TGIF1: variants seen among roughly 807,000 people sequenced by gnomAD.
TGIF1 encodes the protein homeobox protein TGIF1.
TGIF1 carries 4 observed loss-of-function variants against 19.3 expected under a neutral mutation model. The ratio of observed to expected loss-of-function variants is 0.21; its 90% confidence interval spans 0.10 to 0.47. TGIF1 has a LOEUF of 0.47. Among genes scored for constraint, TGIF1 ranks in the 20% least tolerant of loss-of-function variants. The pLI, the probability that TGIF1 is intolerant of heterozygous loss-of-function variation, is 0.98. For missense variants in TGIF1, 275 were observed against 341.4 expected, an observed-to-expected ratio of 0.81 and a Z score of 1.53; for synonymous variants, 122 against 129.3, an observed-to-expected ratio of 0.94 and a Z score of 0.38.
chr18:3,412,376 A>G (rs2082282540), intron 1 of TGIF1: 1 of 152,120 alleles, frequency 6.6e-6, no homozygotes, highest in Non-Finnish European at 1.5e-5. Context: ...TTTCATTAGC[A>G]CTAGTGGGAA....
chr18:3,416,743 C>A (rs1223477816), intron 1 of TGIF1, among the ~76,000 whole-genome samples: 1 of 151,994 alleles, frequency 6.6e-6, no homozygotes, highest in Non-Finnish European at 1.5e-5. Flanking sequence ...ACCAGCCTGG[C>A]CAACATGGTG....
rs566197196 is a variant in TGIF1 at position 3,451,135 on chromosome 18, G to C, written c.16+630G>C. Among the ~76,000 whole-genome samples, 4 of 152,180 alleles carry C rather than the reference G, an allele frequency of 2.6e-5. No individual in the cohort carries two copies. Among genetic ancestry groups the C allele is most frequent in the African/African-American group, 9.6e-5 (4 of 41,516 alleles). Reference sequence around the variant, plus strand: ...TTTTACAAATCCCCAGTCTCTAAAAGTTTTCCCACGATGAATTTTGGGGCA... The same window carrying C: ...TTTTACAAATCCCCAGTCTCTAAAACTTTTCCCACGATGAATTTTGGGGCA... On this transcript the variant is annotated intron_variant, in intron 1 of 2. Coordinates refer to ENST00000343820, the MANE Select transcript of TGIF1 (RefSeq NM_003244.4). The surrounding 1 kb of genome is among the most constrained non-coding windows in gnomAD (Gnocchi z 5.4).
intron 1 of TGIF1, among the ~76,000 whole-genome samples, chr18:3,412,456 TG>T (rs2082283673): frequency 1.3e-5 from 2 of 152,314 alleles, no homozygotes; most frequent in South Asian, 4.1e-4. Context: ...ATGGAAATAT[TG>T]TAACAAGATT....
In TGIF1 at chr18:3,459,101, C is replaced by G. The variant is rs1263046836; in HGVS notation, c.*1161C>G. On this transcript the variant is annotated 3_prime_UTR_variant, in exon 3 of 3. Transcript: ENST00000343820. ...AGAAGGGAATTGGTGTTGCTCCTTTCACTTGTATGGTTGAGCAGATTTGTC... is the reference window on the plus strand; with the variant it reads ...AGAAGGGAATTGGTGTTGCTCCTTTGACTTGTATGGTTGAGCAGATTTGTC... 5 of 152,136 alleles carry G rather than the reference C, an allele frequency of 3.3e-5. No individual in the cohort carries two copies. Among genetic ancestry groups the G allele is most frequent in the Admixed American group, 2.6e-4 (4 of 15,274 alleles). The allele number at this position is 152,136 out of a possible 1,614,324, so 9.4% of individuals were successfully genotyped here.
rs1419557995 is a variant in TGIF1, at chr18:3,450,471, C to G, written c.-19C>G. The G allele has an allele frequency of 6.4e-7, 1 of 1,557,704 alleles. No homozygotes were observed. Among genetic ancestry groups the G allele is most frequent in the East Asian group, 2.4e-5 (1 of 41,296 alleles). On this transcript the variant is annotated 5_prime_UTR_variant, in exon 1 of 3. Transcript: ENST00000343820. Reference sequence around the variant, plus strand: ...CTCCAGACCCCCGCCTTGCCTCGCGCTGGGAGGGGAGATCCAGAATGAAAG... The same window carrying G: ...CTCCAGACCCCCGCCTTGCCTCGCGGTGGGAGGGGAGATCCAGAATGAAAG...
Position 3,451,342 on chromosome 18 carries a change from C to A in TGIF1, c.16+837C>A, listed in dbSNP as rs1005707094. ...AGTTTGGTTTAAAAACAAAATACAC[C>A]GGAGGGGGACGGGGGGTGGAGAAAC... On this transcript the variant is annotated intron_variant, in intron 1 of 2. Coordinates refer to ENST00000343820, the MANE Select transcript of TGIF1 (RefSeq NM_003244.4). The surrounding 1 kb of genome is among the most constrained non-coding windows in gnomAD (Gnocchi z 5.4). 2.0e-6 allele frequency: 2 copies of A among 984,992 alleles called. No individual in the cohort carries two copies. The highest frequency in any genetic ancestry group is 2.4e-6 in the Non-Finnish European group (2 of 829,596). The allele number at this position is 984,992 out of a possible 1,614,324, so 61.0% of individuals were successfully genotyped here. A position where few individuals can be genotyped will look rare whatever the true frequency, so the allele number is the denominator to read the frequency against.
intron 2 of TGIF1, among the ~76,000 whole-genome samples, chr18:3,435,522 G>A (rs534380325): frequency 6.6e-6 from 1 of 152,126 alleles, no homozygotes; most frequent in East Asian, 1.9e-4. Context: ...ACCAGACTCT[G>A]TCTCTAATTG....
chr18:3,447,525 G>T, upstream of TGIF1: 4 of 645,688 alleles, frequency 6.2e-6, no homozygotes, highest in Admixed American at 2.3e-5. Context: ...TTTTGAGGCT[G>T]TTCCCTTTGT....
intron 2 of TGIF1, among the ~76,000 whole-genome samples, chr18:3,434,304 A>G (rs1234364630): frequency 6.6e-6 from 1 of 152,204 alleles, no homozygotes; most frequent in African/African-American, 2.4e-5. Context: ...TGGGAGGCTG[A>G]GATGGGTGGA....
rs572300 is a variant in TGIF1 at position 3,453,830 on chromosome 18, C to A, written c.17-2524C>A. 7.2e-4 allele frequency: 712 copies of A among 985,312 alleles called. 3 individuals carry two copies. The African/African-American group carries it at 0.011, about 16-fold the overall frequency. The allele number at this position is 985,312 out of a possible 1,614,324, so 61.0% of individuals were successfully genotyped here. ...AAGAAGCTTGTGATCCTGCCCCCAC[C>A]CTCCCCACCGCCACATTTTTTAAAG... On this transcript the variant is annotated intron_variant, in intron 1 of 2. Coordinates refer to ENST00000343820, the MANE Select transcript of TGIF1 (RefSeq NM_003244.4).
At chr18:3,447,873 T>C (rs151472), upstream of TGIF1, 1,087,635 of 1,577,428 alleles carry the variant, frequency 0.69, 382,802 homozygotes, top group African/African-American at 0.92. Context: ...TCCCCCCTTC[T>C]CCTGGAAAGT....
At chr18:3,438,056 C>T (rs1447723960) in intron 2 of TGIF1, among the ~76,000 whole-genome samples, 1 of 151,980 alleles carries the variant, frequency 6.6e-6, no homozygotes, top group Non-Finnish European at 1.5e-5. Context: ...TGAACTCCAA[C>T]CTGGGTGACA....
intron 2 of TGIF1, among the ~76,000 whole-genome samples, chr18:3,425,261 C>A (rs1389392297): frequency 1.3e-5 from 2 of 152,240 alleles, no homozygotes; most frequent in Non-Finnish European, 2.9e-5. Context: ...GACTGGCTGT[C>A]CTTGCTCATA....
upstream of TGIF1, among the ~76,000 whole-genome samples, chr18:3,445,489 C>T (rs1259355280): frequency 6.6e-6 from 1 of 151,836 alleles, no homozygotes; most frequent in Non-Finnish European, 1.5e-5. Context: ...CTTTGGGAGG[C>T]TGAGGCGGGC....
rs1175716290 is a variant in TGIF1, at chr18:3,459,050, C to G, written c.*1110C>G. On this transcript the variant is annotated 3_prime_UTR_variant, in exon 3 of 3. Coordinates refer to ENST00000343820, the MANE Select transcript of TGIF1 (RefSeq NM_003244.4). ...TACAAGTGGAGTTTGTTGGGATAGA[C>G]AATCACTTACAAAGCCCAGATGGCC... 1 of 152,172 alleles carries G rather than the reference C, an allele frequency of 6.6e-6. No homozygotes were observed. The highest frequency in any genetic ancestry group is 1.5e-5 in the Non-Finnish European group (1 of 68,034). The allele number at this position is 152,172 out of a possible 1,614,324, so 9.4% of individuals were successfully genotyped here.
At chr18:3,447,773 C>T (rs748740861), upstream of TGIF1, 1 of 1,614,160 alleles carries the variant, frequency 6.2e-7, no homozygotes, top group South Asian at 1.1e-5. Flanking sequence ...TGCATTGGCC[C>T]GATCAAGCCT....
At chr18:3,448,083 G>A, upstream of TGIF1, 14 of 973,826 alleles carry the variant, frequency 1.4e-5, no homozygotes, top group Non-Finnish European at 1.7e-5. Context: ...CGGGGGGGGA[G>A]GTAGGGTTAA....
In TGIF1 at chr18:3,457,061, C is replaced by T. The variant is rs534081636; in HGVS notation, c.244-304C>T. 7.5e-5 allele frequency: 42 copies of T among 557,012 alleles called. No individual in the cohort carries two copies. The highest frequency in any genetic ancestry group is 1.2e-4 in the Non-Finnish European group (39 of 315,048). The allele number at this position is 557,012 out of a possible 1,614,324, so 34.5% of individuals were successfully genotyped here. On this transcript the variant is annotated intron_variant, in intron 2 of 2. Transcript: ENST00000343820. The surrounding 1 kb of genome is among the most constrained non-coding windows in gnomAD (Gnocchi z 4.9). ...AAAATGGGGAGAGTTAAAAAGTAAA[C>T]CTCTCTCTCAAATCATTTTTAAGCA...
Position 3,425,685 on chromosome 18 carries a change from C to A in TGIF1, c.-45+7470C>A, listed in dbSNP as rs369768728. On this transcript the variant is annotated intron_variant, in intron 2 of 3. Transcript: ENST00000401449. ...CATCCCCAGCCAATCCGCATGGCCC[C>A]GTCCCTAGCCTCCTGCCTACCAAAC... Among the ~76,000 whole-genome samples the A allele has an allele frequency of 3.3e-4, 50 of 152,154 alleles. 1 individual carries two copies. The highest frequency in any genetic ancestry group is 1.2e-3 in the East Asian group (6 of 5,186).
Sources: allele counts gnomAD v4.1 joint callset (sites outside exome capture counted in the v4.1 genomes callset), GRCh38; gene constraint gnomAD v4.1.1; non-coding constraint Gnocchi (gnomAD v3.1); transcripts MANE v1.5; gene names NCBI Gene and HGNC (gene_info 2026-07-23, HGNC 2026-07-21).